Variants in SERTAD3 observed in about 807,000 individuals in gnomAD.
SERTAD3 encodes SERTA domain containing 3, also known as SERTA domain-containing protein 3.
In SERTAD3, 6 loss-of-function variants were observed where a neutral mutation model predicts 11.9. That is an observed-to-expected ratio of 0.50 (90% CI 0.28 to 0.99). The LOEUF (loss-of-function observed/expected upper bound fraction) is 0.99, where lower values mean the gene tolerates loss of function less well. SERTAD3 is among the 50% of genes least tolerant of loss of function. The pLI is 0.11. For synonymous variants in SERTAD3, 101 were observed against 98.9 expected, an observed-to-expected ratio of 1.02 and a Z score of -0.13; for missense variants, 261 against 240.9, an observed-to-expected ratio of 1.08 and a Z score of -0.55.
chr19:40,444,192 C>G (rs374385496), intron 1 of SERTAD3, 23 bp downstream of exon 1: 1 of 152,388 alleles, frequency 6.6e-6, no homozygotes, highest in African/African-American at 2.4e-5. Context: ...GGTAAATTCC[C>G]AAGCCAGGCG....
chr19:40,443,067 A>G (rs1019996240), intron 1 of SERTAD3, among the ~76,000 whole-genome samples: 1 of 151,788 alleles, frequency 6.6e-6, no homozygotes, highest in African/African-American at 2.4e-5. Context: ...CCACGCTTTC[A>G]GATTCCCCCA....
At position 40,441,662 on chromosome 19, in the gene SERTAD3, C is replaced by A; in HGVS notation, c.419G>T (p.Arg140Leu). Residue 140 changes from arginine to leucine, a missense_variant, in exon 2 of 2, where the codon CGG (arginine) becomes CTG (leucine). Coordinates refer to ENST00000322354, the MANE Select transcript of SERTAD3 (RefSeq NM_203344.3). ...DPVFLEALSS[R>L]YLGDSGLDDF... ...ATCCAGGCCAGAGTCCCCCAAGTAC[C>A]GGGAGCTCAGAGCTTCTAAGAAGAC... The A allele has an allele frequency of 1.2e-6, 2 of 1,614,188 alleles. No individual in the cohort carries two copies. The highest frequency in any genetic ancestry group is 1.7e-6 in the Non-Finnish European group (2 of 1,180,026).
intron 1 of SERTAD3, chr19:40,443,452 C>G (rs1305637256): frequency 6.5e-6 from 1 of 153,298 alleles, no homozygotes; most frequent in Non-Finnish European, 1.5e-5. Flanking sequence ...TCCGGGGCCG[C>G]GAGTCTGAGC....
rs773344536 is a variant in SERTAD3 at position 40,441,831 on chromosome 19, G to T, written c.250C>A (p.Leu84Met). 8 of 1,586,964 alleles carry T rather than the reference G, an allele frequency of 5.0e-6. No homozygotes were observed. Among genetic ancestry groups the T allele is most frequent in the Non-Finnish European group, 6.0e-6 (7 of 1,166,622 alleles). The change falls in exon 2 of 2, where the codon CTG becomes ATG. Residue 84 changes from leucine (L) to methionine (M), a missense_variant. Coordinates refer to ENST00000322354, the MANE Select transcript of SERTAD3 (RefSeq NM_203344.3). Reference protein sequence around the residue: ...APALPPEPLFLGEEDFSLSAT... With the variant: ...APALPPEPLFMGEEDFSLSAT... The stretch of plus-strand genomic sequence containing the variant: ...GACAGGGAGAAATCCTCCTCGCCCA[G>T]GAAGAGGGGCTCGGGGGGCAGGGCA...
In SERTAD3 at chr19:40,441,683, A is replaced by G. The variant is rs1293703139; in HGVS notation, c.398T>C (p.Phe133Ser). ...NEVPPQPDPV[F>S]LEALSSRYLG... ...GTACCGGGAGCTCAGAGCTTCTAAG[A>G]AGACTGGATCAGGCTGGGGTGGCAC... Residue 133 changes from phenylalanine (F) to serine (S), a missense_variant, in exon 2 of 2, where the codon TTC becomes TCC. Phe to Ser is a radical substitution (Grantham distance 155, BLOSUM62 -2). Coordinates refer to ENST00000322354, the MANE Select transcript of SERTAD3 (RefSeq NM_203344.3). The G allele has an allele frequency of 6.2e-7, 1 of 1,614,172 alleles. No homozygotes were observed. Among genetic ancestry groups the G allele is most frequent in the South Asian group, 1.1e-5 (1 of 91,082 alleles).
In SERTAD3 at chr19:40,444,286, C is replaced by T. The variant is rs1016819430; in HGVS notation, c.-78G>A. On this transcript the variant is annotated 5_prime_UTR_variant, in exon 1 of 2. Coordinates refer to ENST00000322354, the MANE Select transcript of SERTAD3 (RefSeq NM_203344.3). ...GTTGCGACCCGCCAGTGCCAGGACC[C>T]ACCAGTGACCGGTTGGAGCCTCGCT... 1.3e-5 allele frequency: 2 copies of T among 152,276 alleles called. No individual in the cohort carries two copies. The highest frequency in any genetic ancestry group is 4.8e-5 in the African/African-American group (2 of 41,388). The allele number at this position is 152,276 out of a possible 1,614,324, so 9.4% of individuals were successfully genotyped here.
chr19:40,442,706 T>G (rs2079687841), intron 1 of SERTAD3: 1 of 152,320 alleles, frequency 6.6e-6, no homozygotes, highest in South Asian at 2.0e-4. Flanking sequence ...GAACAAGAGT[T>G]GTGTTTGTTT....
chr19:40,443,338 A>AC (rs2079693121), intron 1 of SERTAD3: 1 of 151,600 alleles, frequency 6.6e-6, no homozygotes, highest in Non-Finnish European at 1.5e-5. Context: ...CACCCCCCTC[A>AC]CCCCGCTCTC....
rs1568731636 is a variant in SERTAD3 at position 40,441,846 on chromosome 19, G to C, written c.235C>G (p.Pro79Ala). ...TCCTCGCCCAGGAAGAGGGGCTCGG[G>C]GGGCAGGGCAGGGGCGGGAGCCAGG... ...LRLAPAPALP[P>A]EPLFLGEEDF... Residue 79 changes from proline (P) to alanine (A), a missense_variant, in exon 2 of 2, where the codon CCC becomes GCC. Transcript: ENST00000322354. 5.7e-6 allele frequency: 9 copies of C among 1,583,404 alleles called. No homozygotes were observed. The highest frequency in any genetic ancestry group is 4.5e-5 in the East Asian group (2 of 44,594).
In SERTAD3 at chr19:40,441,747, G is replaced by A; in HGVS notation, c.334C>T (p.Pro112Ser). ...CCAAGGGGAGTCACTGGATTCTGAG[G>A]GGGCTCAGTCCCATCCATGGAGGTG... ...LDTSMDGTEPPQNPVTPLGLQ... is the reference protein window; with the variant it reads ...LDTSMDGTEPSQNPVTPLGLQ... The change falls in exon 2 of 2, where the codon CCT becomes TCT. Residue 112 changes from proline to serine, a missense_variant. By Grantham distance (74) the Pro-to-Ser change is moderately conservative (BLOSUM62 -1). Coordinates refer to ENST00000322354, the MANE Select transcript of SERTAD3 (RefSeq NM_203344.3). 6.2e-7 allele frequency: 1 copy of A among 1,614,074 alleles called. No individual in the cohort carries two copies. The highest frequency in any genetic ancestry group is 8.5e-7 in the Non-Finnish European group (1 of 1,179,968).
chr19:40,442,567 G>C (rs2079686914), intron 1 of SERTAD3: 1 of 152,980 alleles, frequency 6.5e-6, no homozygotes, highest in South Asian at 2.0e-4. Context: ...GAAGTGATCT[G>C]AATGAGTCAA....
chr19:40,441,882 C>G lies in SERTAD3; in HGVS notation c.199G>C (p.Ala67Pro), dbSNP rs764498260. ...LIHNTLQQLQ[A>P]ALRLAPAPAL... ...GGGGCGGGAGCCAGGCGAAGTGCAG[C>G]CTGCAGCTGTTGGAGGGTGTTATGG... The change falls in exon 2 of 2, where the codon GCT becomes CCT. Residue 67 changes from alanine to proline, a missense_variant. Transcript: ENST00000322354. 6.3e-7 allele frequency: 1 copy of G among 1,578,434 alleles called. No individual in the cohort carries two copies. The highest frequency in any genetic ancestry group is 1.2e-5 in the South Asian group (1 of 85,406).
intron 1 of SERTAD3, 132 bp downstream of exon 1, chr19:40,444,079 ACCCT>A (rs2079698631): frequency 6.6e-6 from 1 of 151,596 alleles, no homozygotes; most frequent in African/African-American, 2.4e-5. Flanking sequence ...AGGTCCCCAG[ACCCT>A]CCCTATCATC....
intron 1 of SERTAD3, among the ~76,000 whole-genome samples, chr19:40,442,976 C>G (rs982773270): frequency 3.3e-5 from 5 of 151,928 alleles, no homozygotes; most frequent in African/African-American, 1.2e-4. Flanking sequence ...CTTCAACAGT[C>G]GGGATATTTC....
Position 40,441,350 on chromosome 19 carries a change from T to C in SERTAD3, c.*140A>G. On this transcript the variant is annotated 3_prime_UTR_variant, in exon 2 of 2. Transcript: ENST00000322354. ...GACACACACACACATGCAAGACAGT[T>C]TGTGGAACCCTGAAATGGGAACAAA... 1.4e-6 allele frequency: 1 copy of C among 740,324 alleles called. No individual in the cohort carries two copies. The highest frequency in any genetic ancestry group is 2.2e-6 in the Non-Finnish European group (1 of 447,488). 45.9% of individuals were successfully genotyped at this position (740,324 alleles called of 1,614,324 possible).
intron 1 of SERTAD3, chr19:40,443,598 T>A (rs1321996058): frequency 6.5e-6 from 1 of 153,104 alleles, no homozygotes; most frequent in Non-Finnish European, 1.5e-5. Context: ...TCCGAACACA[T>A]CGCTCAAAGA....
Position 40,441,749 on chromosome 19 carries a change from G to A in SERTAD3, c.332C>T (p.Pro111Leu), listed in dbSNP as rs200239704. The A allele has an allele frequency of 1.2e-6, 2 of 1,613,994 alleles. No individual in the cohort carries two copies. Among genetic ancestry groups the A allele is most frequent in the Middle Eastern group, 1.7e-4 (1 of 6,060 alleles). Residue 111 changes from proline (P) to leucine (L), a missense_variant, in exon 2 of 2, where the codon CCC becomes CTC. Pro to Leu is a moderately conservative substitution (Grantham distance 98). Coordinates refer to ENST00000322354, the MANE Select transcript of SERTAD3 (RefSeq NM_203344.3). Reference protein sequence around the residue: ...ELDTSMDGTEPPQNPVTPLGL... With the variant: ...ELDTSMDGTELPQNPVTPLGL... ...AAGGGGAGTCACTGGATTCTGAGGGGGCTCAGTCCCATCCATGGAGGTGTC... is the reference window on the plus strand; with the variant it reads ...AAGGGGAGTCACTGGATTCTGAGGGAGCTCAGTCCCATCCATGGAGGTGTC...
Position 40,444,317 on chromosome 19 carries a change from CGGCG to C in SERTAD3, c.-113_-110del, listed in dbSNP as rs145449848. 0.16 allele frequency: 25,066 copies of C among 152,246 alleles called. 2,128 individuals carry two copies. The highest frequency in any genetic ancestry group is 0.19 in the South Asian group (923 of 4,828). 9.4% of individuals were successfully genotyped at this position (152,246 alleles called of 1,614,324 possible). A position where few individuals can be genotyped will look rare whatever the true frequency, so the allele number is the denominator to read the frequency against. Reference sequence around the variant, plus strand: ...TGACCGGTTGGAGCCTCGCTCACCTCGGCGGGGCCTCTCCGTCTGGCCTCTGGCC... The same window carrying C: ...TGACCGGTTGGAGCCTCGCTCACCTCGGGCCTCTCCGTCTGGCCTCTGGCC... On this transcript the variant is annotated 5_prime_UTR_variant, in exon 1 of 2. Transcript: ENST00000322354.
At position 40,442,052 on chromosome 19, in the gene SERTAD3, G is replaced by A; in HGVS notation, c.29C>T (p.Ser10Phe). 1 of 1,497,092 alleles carries A rather than the reference G, an allele frequency of 6.7e-7. No homozygotes were observed. The highest frequency in any genetic ancestry group is 1.4e-5 in the African/African-American group (1 of 71,266). The allele number at this position is 1,497,092 out of a possible 1,614,324, so 92.7% of individuals were successfully genotyped here. A position where few individuals can be genotyped will look rare whatever the true frequency, so the allele number is the denominator to read the frequency against. Residue 10 changes from serine to phenylalanine, a missense_variant, in exon 2 of 2, where the codon TCT (serine) becomes TTT (phenylalanine). By Grantham distance (155) the Ser-to-Phe change is radical. Coordinates refer to ENST00000322354, the MANE Select transcript of SERTAD3 (RefSeq NM_203344.3). ...CCTCTCCTCCTCCTCTTCCAAATCA[G>A]AGTGTTTCCTCTTCAAGCCTCCCAC... MVGGLKRKHSDLEEEEERWE... is the reference protein window; with the variant it reads MVGGLKRKHFDLEEEEERWE...
Sources: gnomAD v4.1 joint callset for allele counts (sites outside exome capture counted in the v4.1 genomes callset) on GRCh38, gnomAD v4.1.1 for gene constraint, MANE v1.5 for transcripts, NCBI Gene and HGNC (gene_info 2026-07-23, HGNC 2026-07-21) for gene names.